PDE4D: variants seen among roughly 807,000 people sequenced by gnomAD.
The protein encoded by PDE4D is phosphodiesterase 4D.
PDE4D carries 24 observed loss-of-function variants against 87.4 expected under a neutral mutation model. That is an observed-to-expected ratio of 0.27 (90% CI 0.20 to 0.39). The LOEUF (loss-of-function observed/expected upper bound fraction) is 0.39, where lower values mean the gene tolerates loss of function less well. Among genes scored for constraint, PDE4D ranks in the 10% least tolerant of loss-of-function variants. The pLI is 1.00. For missense variants in PDE4D, 714 were observed against 1,041.0 expected (o/e 0.69, Z 4.32); for synonymous variants, 384 against 383.2 (o/e 1.00, Z -0.02).
At chr5:59,193,861 C>G (rs566024601) in intron 2 of PDE4D, 2 of 831,232 alleles carry the variant, frequency 2.4e-6, no homozygotes, top group East Asian at 1.2e-4. Context: ...TGGCCTCTTA[C>G]TGTAGATATT....
chr5:59,814,153 A>AG (rs1325685025), intron 1 of PDE4D, among the ~76,000 whole-genome samples: 4 of 152,084 alleles, frequency 2.6e-5, no homozygotes, highest in Non-Finnish European at 5.9e-5. Context: ...TCCTGGCACT[A>AG]GGGGGCGGCA....
chr5:59,874,964 A>G lies in PDE4D; in HGVS notation c.455+18204T>C, dbSNP rs185969054. On this transcript the variant is annotated intron_variant, in intron 1 of 14. Coordinates refer to ENST00000340635, the MANE Select transcript of PDE4D (RefSeq NM_001104631.2). ...CAATCTGATAAGTGCACAGGGTACAAAAGTTTGCAGATATCCTCCTTTTCC... is the reference window on the plus strand; with the variant it reads ...CAATCTGATAAGTGCACAGGGTACAGAAGTTTGCAGATATCCTCCTTTTCC... Among the ~76,000 whole-genome samples, 116 of 152,334 alleles carry G rather than the reference A, an allele frequency of 7.6e-4. 1 individual carries two copies. The highest frequency in any genetic ancestry group is 1.1e-3 in the Non-Finnish European group (74 of 68,038).
At chr5:59,440,420 A>G (rs1797431474) in intron 1 of PDE4D, among the ~76,000 whole-genome samples, 2 of 152,242 alleles carry the variant, frequency 1.3e-5, no homozygotes, top group African/African-American at 4.8e-5. Context: ...GTCACTACTG[A>G]TAACAATTAC....
chr5:60,456,145 G>C (rs1746450759), intron 1 of PDE4D, among the ~76,000 whole-genome samples: 1 of 152,202 alleles, frequency 6.6e-6, no homozygotes, highest in Non-Finnish European at 1.5e-5. Context: ...GAACTCAAGA[G>C]AGACCCACGT....
intron 1 of PDE4D, among the ~76,000 whole-genome samples, chr5:59,842,899 A>G (rs1462709770): frequency 6.6e-6 from 1 of 151,988 alleles, no homozygotes; most frequent in East Asian, 1.9e-4. Context: ...CACAATGATT[A>G]CTTCTCATCT....
chr5:59,718,626 G>A lies in PDE4D; in HGVS notation c.455+174542C>T, dbSNP rs118164190. Among the ~76,000 whole-genome samples the A allele has an allele frequency of 1.1e-4, 17 of 152,236 alleles. No homozygotes were observed. The East Asian group carries it at 3.1e-3, about 28-fold the overall frequency. ...GAAGATTCTTTGACTCCTTTGCAGA[G>A]CTATAAACCAAGAGTAACATCCATA... On this transcript the variant is annotated intron_variant, in intron 1 of 14. Transcript: ENST00000340635.
At chr5:59,398,440 A>G (rs1252553310) in intron 1 of PDE4D, among the ~76,000 whole-genome samples, 1 of 143,854 alleles carries the variant, frequency 7.0e-6, no homozygotes. Flanking sequence ...ACAAATCAGT[A>G]AATGTAATCC....
At chr5:59,854,746 T>C (rs1042511854) in intron 1 of PDE4D, among the ~76,000 whole-genome samples, 1 of 152,026 alleles carries the variant, frequency 6.6e-6, no homozygotes, top group African/African-American at 2.4e-5. Context: ...CCCTATATAA[T>C]AGAGACAAGT....
chr5:59,844,252 A>G (rs752974342), intron 1 of PDE4D, among the ~76,000 whole-genome samples: 2 of 152,126 alleles, frequency 1.3e-5, no homozygotes, highest in Non-Finnish European at 2.9e-5. Context: ...TTTTAGAACT[A>G]AGAAAAGGGA....
At chr5:59,749,918 G>T (rs779094546) in intron 1 of PDE4D, among the ~76,000 whole-genome samples, 20 of 151,966 alleles carry the variant, frequency 1.3e-4, no homozygotes, top group Admixed American at 2.0e-4. Flanking sequence ...CCCTAAAAAT[G>T]CTCCTTCCAC....
At chr5:59,884,374 T>C (rs1460561527) in intron 1 of PDE4D, among the ~76,000 whole-genome samples, 1 of 151,960 alleles carries the variant, frequency 6.6e-6, no homozygotes, top group Non-Finnish European at 1.5e-5. Context: ...ATCTCATATA[T>C]GTAAATATAA....
chr5:60,245,622 C>T (rs1747670833), intron 1 of PDE4D, among the ~76,000 whole-genome samples: 1 of 151,844 alleles, frequency 6.6e-6, no homozygotes, highest in African/African-American at 2.4e-5. Context: ...CTGTTATTTA[C>T]AACAGTGTGG....
chr5:59,101,075 T>C (rs6898374), intron 5 of PDE4D, among the ~76,000 whole-genome samples: 99,249 of 151,898 alleles, frequency 0.65, 32,529 homozygotes, highest in East Asian at 0.82. Context: ...TCCAAGAGTT[T>C]GGCTCTTTGA....
chr5:59,091,025 C>G (rs2153428475), intron 5 of PDE4D: 1 of 421,282 alleles, frequency 2.4e-6, no homozygotes, highest in African/African-American at 2.1e-5. Context: ...AGAGCTACAA[C>G]AACAACAAAA....
intron 1 of PDE4D, among the ~76,000 whole-genome samples, chr5:59,413,243 G>A (rs2153621892): frequency 6.6e-6 from 1 of 152,058 alleles, no homozygotes; most frequent in African/African-American, 2.4e-5. Context: ...GGATCACGAG[G>A]TCAGGAGATC....
At chr5:60,501,620 G>A (rs1365327408) in intron 1 of PDE4D, among the ~76,000 whole-genome samples, 4 of 151,566 alleles carry the variant, frequency 2.6e-5, no homozygotes, top group African/African-American at 9.7e-5. Context: ...CCCACCAACA[G>A]TGTAAAAGTG....
chr5:59,610,303 C>T (rs778511080), intron 1 of PDE4D, among the ~76,000 whole-genome samples: 2 of 152,180 alleles, frequency 1.3e-5, no homozygotes, highest in Non-Finnish European at 2.9e-5. Flanking sequence ...GACTGGAGAA[C>T]TGATTTTAAT....
rs1189573236 is a variant in PDE4D at position 60,109,622 on chromosome 5, C to G, written c.42+75935G>C. 7.9e-5 allele frequency among the ~76,000 whole-genome samples: 12 copies of G among 151,990 alleles called. No homozygotes were observed. The East Asian group carries it at 9.6e-4, about 12-fold the overall frequency. On this transcript the variant is annotated intron_variant, in intron 2 of 16. Transcript: ENST00000502484. ...ACTTGGAACCAACCCAAATGTCCAA[C>G]AATGATAGACTGGATTAAGAAAATG...
At chr5:59,200,114 C>CATACATGTAGACATACATGTATGCACACA (rs1746672459) in intron 2 of PDE4D, among the ~76,000 whole-genome samples, 2 of 143,742 alleles carry the variant, frequency 1.4e-5, no homozygotes, top group East Asian at 2.2e-4. Flanking sequence ...TATGCACACA[C>CATACATGTAGACATACATGTATGCACACA]ATACATGCAT....
Sources: allele counts gnomAD v4.1 joint callset (sites outside exome capture counted in the v4.1 genomes callset), GRCh38; gene constraint gnomAD v4.1.1; transcripts MANE v1.5; gene names NCBI Gene and HGNC (gene_info 2026-07-23, HGNC 2026-07-21).